Variants in MACROH2A2 observed in about 807,000 individuals in gnomAD.
The protein encoded by MACROH2A2 is core histone macro-H2A.2.
Under a neutral mutation model 37.6 loss-of-function variants are expected in MACROH2A2, and 6 were observed. The ratio of observed to expected loss-of-function variants is 0.16; its 90% CI spans 0.09 to 0.32. MACROH2A2 has a LOEUF of 0.32. MACROH2A2 is among the 10% of genes least tolerant of loss of function. The pLI is 1.00. For missense variants in MACROH2A2, 290 were observed against 485.9 expected (o/e 0.60, Z 3.79); for synonymous variants, 192 against 202.7 (o/e 0.95, Z 0.45).
intron 1 of MACROH2A2, among the ~76,000 whole-genome samples, chr10:70,072,306 A>G (rs1225349885): frequency 6.6e-6 from 1 of 152,064 alleles, no homozygotes; most frequent in African/African-American, 2.4e-5. Flanking sequence ...TAAGACACAT[A>G]CACATTAGCC....
At chr10:70,087,303 G>A (rs186138277) in intron 2 of MACROH2A2, among the ~76,000 whole-genome samples, 383 of 150,626 alleles carry the variant, frequency 2.5e-3, no homozygotes, top group African/African-American at 9.0e-3. Flanking sequence ...GCCCAGTCTC[G>A]GCTCACTGCA....
rs2072247100 is a variant in MACROH2A2, at chr10:70,091,887, G to T, written c.410G>T (p.Arg137Met). 6.2e-7 allele frequency: 1 copy of T among 1,614,108 alleles called. No homozygotes were observed. Among genetic ancestry groups the T allele is most frequent in the African/African-American group, 1.3e-5 (1 of 75,014 alleles). Residue 137 changes from arginine (R) to methionine (M), a missense_variant, in exon 4 of 9, where the codon AGG (arginine) becomes ATG (methionine). This residue lies in a region of MACROH2A2 where 77 missense variants were observed against 68.9 expected (regional missense o/e 1.12). Coordinates refer to ENST00000373255, the MANE Select transcript of MACROH2A2 (RefSeq NM_018649.3). ...TCCCCACCCCCAGAGAAAAGAGGCA[G>T]GAAGGCCACGTCAGGCAAGAAGGGG... ...ILSPPPEKRG[R>M]KATSGKKGGK...
chr10:70,090,026 G>T (rs1430696420), intron 2 of MACROH2A2, 34 bp from the exon 3 acceptor site: 3 of 1,343,866 alleles, frequency 2.2e-6, no homozygotes, highest in Non-Finnish European at 3.2e-6. Context: ...ACCCCATTCT[G>T]TGATTGCCTG....
intron 1 of MACROH2A2, among the ~76,000 whole-genome samples, chr10:70,065,559 C>T (rs1403908582): frequency 1.3e-5 from 2 of 151,970 alleles, no homozygotes; most frequent in African/African-American, 4.8e-5. Context: ...GATTTGAAGA[C>T]ATGGTGCATT....
chr10:70,060,662 T>C (rs1278754754), intron 1 of MACROH2A2, among the ~76,000 whole-genome samples: 1 of 152,218 alleles, frequency 6.6e-6, no homozygotes, highest in Non-Finnish European at 1.5e-5. Context: ...CATTTGGGAA[T>C]CTCATCTTGG....
intron 2 of MACROH2A2, among the ~76,000 whole-genome samples, chr10:70,086,744 A>G (rs981722651): frequency 2.0e-5 from 3 of 152,200 alleles, no homozygotes; most frequent in Admixed American, 2.0e-4. Context: ...TGGGAGGCTC[A>G]TTAACCCCCA....
At chr10:70,056,022 T>C (rs2072013987) in intron 1 of MACROH2A2, among the ~76,000 whole-genome samples, 1 of 152,080 alleles carries the variant, frequency 6.6e-6, no homozygotes, top group South Asian at 2.1e-4. Flanking sequence ...AAAAAGCAAA[T>C]TGCAGAACAG....
chr10:70,109,254 A>G (rs1170271279), intron 8 of MACROH2A2, 47 bp downstream of exon 8: 9 of 1,507,324 alleles, frequency 6.0e-6, no homozygotes, highest in Non-Finnish European at 8.3e-6. Context: ...TTTTCCCTGG[A>G]AATCAGCTGC....
chr10:70,102,428 A>G (rs764559294), intron 7 of MACROH2A2, among the ~76,000 whole-genome samples: 42 of 152,302 alleles, frequency 2.8e-4, no homozygotes, highest in Middle Eastern at 6.8e-3. Flanking sequence ...TGATTGTTAT[A>G]AAAGTAGGGC....
chr10:70,066,277 G>A (rs1034384829), intron 1 of MACROH2A2, among the ~76,000 whole-genome samples: 1 of 152,092 alleles, frequency 6.6e-6, no homozygotes, highest in Non-Finnish European at 1.5e-5. Flanking sequence ...GCAGTGAGCC[G>A]TGATTATACC....
At chr10:70,072,929 C>T (rs1312987615) in intron 1 of MACROH2A2, among the ~76,000 whole-genome samples, 1 of 152,134 alleles carries the variant, frequency 6.6e-6, no homozygotes, top group Non-Finnish European at 1.5e-5. Context: ...TGCACTCCAG[C>T]CTAGGGGACA....
intron 2 of MACROH2A2, among the ~76,000 whole-genome samples, chr10:70,081,068 CAAAAAAAAAAA>C (rs34688764): frequency 1.7e-4 from 8 of 45,842 alleles, no homozygotes; most frequent in Non-Finnish European, 3.2e-4. Flanking sequence ...CCCTGTCTCT[CAAAAAAAAAAA>C]AAAAAAAAAA....
chr10:70,071,796 A>T (rs1043797293), intron 1 of MACROH2A2, among the ~76,000 whole-genome samples: 10 of 152,226 alleles, frequency 6.6e-5, no homozygotes, highest in Non-Finnish European at 2.9e-5. Context: ...ACAGTAAAAT[A>T]CAGTATAAAA....
chr10:70,075,484 T>G lies in MACROH2A2; in HGVS notation c.-59-116T>G. 1 of 623,064 alleles carries G rather than the reference T, an allele frequency of 1.6e-6. No individual in the cohort carries two copies. The allele number at this position is 623,064 out of a possible 1,614,324, so 38.6% of individuals were successfully genotyped here. On this transcript the variant is annotated intron_variant, in intron 1 of 8. Transcript: ENST00000373255. This position sits in a 1 kb window ranked among gnomAD's most constrained non-coding sequence, Gnocchi z 5.0. ...CCTGCACCTGCAGTAGCAGCCAGAT[T>G]TCAGCTGCCTCCCCAGGGCAGTCAG...
chr10:70,108,232 TAAAAA>T (rs1345627904), intron 7 of MACROH2A2, among the ~76,000 whole-genome samples: 1 of 151,656 alleles, frequency 6.6e-6, no homozygotes, highest in Non-Finnish European at 1.5e-5. Flanking sequence ...AATAAAAAAA[TAAAAA>T]TAAAAGCCAC....
chr10:70,071,864 G>C (rs1026592156), intron 1 of MACROH2A2, among the ~76,000 whole-genome samples: 1 of 152,234 alleles, frequency 6.6e-6, no homozygotes, highest in African/African-American at 2.4e-5. Context: ...TGCAGGACTA[G>C]AAGTACTCTG....
chr10:70,090,119 C>T lies in MACROH2A2; in HGVS notation c.232C>T (p.Pro78Ser). 6.2e-7 allele frequency: 1 copy of T among 1,614,018 alleles called. No homozygotes were observed. Among genetic ancestry groups the T allele is most frequent in the Non-Finnish European group, 8.5e-7 (1 of 1,179,876 alleles). ...ARDNKKARIA[P>S]RHILLAVAND... ...GGACAACAAGAAGGCCCGGATAGCCCCGAGACACATCTTGCTGGCAGTTGC... is the reference window on the plus strand; with the variant it reads ...GGACAACAAGAAGGCCCGGATAGCCTCGAGACACATCTTGCTGGCAGTTGC... The change falls in exon 3 of 9, where the codon CCG becomes TCG. Residue 78 changes from proline (P) to serine (S), a missense_variant. Physicochemically the swap from Pro to Ser is moderately conservative, Grantham distance 74. Transcript: ENST00000373255.
At chr10:70,106,292 A>G (rs1276489725) in intron 7 of MACROH2A2, among the ~76,000 whole-genome samples, 1 of 152,212 alleles carries the variant, frequency 6.6e-6, no homozygotes, top group Admixed American at 6.5e-5. Context: ...AGGTGCTTAT[A>G]CCAAATACCA....
intron 1 of MACROH2A2, among the ~76,000 whole-genome samples, chr10:70,064,212 T>C (rs2072066023): frequency 6.6e-6 from 1 of 151,936 alleles, no homozygotes; most frequent in Non-Finnish European, 1.5e-5. Context: ...CTACTAAAAA[T>C]ACAAAAATTA....
Sources: gnomAD v4.1 joint callset for allele counts (sites outside exome capture counted in the v4.1 genomes callset) on GRCh38, gnomAD v4.1.1 for gene constraint, gnomAD v4.1.1 regional missense constraint, Gnocchi (gnomAD v3.1) non-coding constraint, MANE v1.5 for transcripts, NCBI Gene and HGNC (gene_info 2026-07-23, HGNC 2026-07-21) for gene names.